Variants in GHR observed in about 807,000 individuals in gnomAD.
GHR encodes the protein GH receptor.
A neutral mutation model predicts 67.1 loss-of-function variants in GHR; 35 were observed. The ratio of observed to expected loss-of-function variants is 0.52; its 90% CI spans 0.40 to 0.69. The LOEUF is 0.69. Ranked by LOEUF, GHR falls within the 30% of genes least tolerant of loss-of-function variation. The pLI is 0.00. For synonymous variants in GHR, 272 were observed against 269.1 expected, an observed-to-expected ratio of 1.01 and a Z score of -0.10; for missense variants, 792 against 764.6, an observed-to-expected ratio of 1.04 and a Z score of -0.42.
intron 3 of GHR, among the ~76,000 whole-genome samples, chr5:42,682,876 A>G (rs771949423): frequency 3.9e-5 from 6 of 152,224 alleles, no homozygotes; most frequent in Non-Finnish European, 7.3e-5. Context: ...AAGCTATCTT[A>G]TAAGACTGCA....
chr5:42,490,695 A>T (rs1021903538), intron 1 of GHR, among the ~76,000 whole-genome samples: 1 of 152,236 alleles, frequency 6.6e-6, no homozygotes, highest in African/African-American at 2.4e-5. Context: ...ACTGAAAGTG[A>T]TATGGTAGTA....
chr5:42,538,013 CT>C (rs1748337815), intron 1 of GHR, among the ~76,000 whole-genome samples: 1 of 152,094 alleles, frequency 6.6e-6, no homozygotes, highest in South Asian at 2.1e-4. Context: ...CATGAAATGC[CT>C]TTTTCCACCC....
intron 3 of GHR, among the ~76,000 whole-genome samples, chr5:42,651,108 G>T (rs1250468025): frequency 6.6e-6 from 1 of 152,178 alleles, no homozygotes; most frequent in African/African-American, 2.4e-5. Flanking sequence ...GATTCTGGGA[G>T]ACTTTCAGGA....
At chr5:42,624,291 A>C (rs988193111) in intron 2 of GHR, among the ~76,000 whole-genome samples, 1 of 151,908 alleles carries the variant, frequency 6.6e-6, no homozygotes, top group African/African-American at 2.4e-5. Flanking sequence ...TTGGCTCTGC[A>C]CTCTCCTTAG....
At chr5:42,483,982 A>C (rs928534279) in intron 1 of GHR, among the ~76,000 whole-genome samples, 2 of 152,050 alleles carry the variant, frequency 1.3e-5, no homozygotes, top group African/African-American at 4.8e-5. Flanking sequence ...CAGAGAGAGT[A>C]CTAAGTAGGT....
intron 1 of GHR, among the ~76,000 whole-genome samples, chr5:42,525,508 G>A (rs887540196): frequency 1.3e-5 from 2 of 152,194 alleles, no homozygotes; most frequent in Non-Finnish European, 1.5e-5. Flanking sequence ...GATTTGCCTT[G>A]TCTAAGGTAA....
intron 1 of GHR, among the ~76,000 whole-genome samples, chr5:42,481,846 G>A (rs931249891): frequency 6.6e-6 from 1 of 152,076 alleles, no homozygotes; most frequent in African/African-American, 2.4e-5. Context: ...CTGTAGCTCG[G>A]ATTAGTTTGA....
chr5:42,532,789 C>T (rs1271002747), intron 1 of GHR, among the ~76,000 whole-genome samples: 1 of 151,880 alleles, frequency 6.6e-6, no homozygotes, highest in African/African-American at 2.4e-5. Context: ...TTTTTAATTG[C>T]CATATATTAC....
chr5:42,583,897 A>ATATATATATATATATATATATATAT (rs759855239), intron 2 of GHR, among the ~76,000 whole-genome samples: 3 of 149,452 alleles, frequency 2.0e-5, no homozygotes, highest in South Asian at 2.1e-4. Context: ...ATATATATAT[A>ATATATATATATATATATATATATAT]AATTCTTACA....
chr5:42,685,601 A>G (rs1757099396), intron 3 of GHR, among the ~76,000 whole-genome samples: 1 of 152,138 alleles, frequency 6.6e-6, no homozygotes, highest in South Asian at 2.1e-4. Flanking sequence ...CCTCTCCAGC[A>G]TCTGTTTTTT....
rs116006648 is a variant in GHR at position 42,507,750 on chromosome 5, C to T, written c.-11-58114C>T. Among the ~76,000 whole-genome samples, 959 of 152,300 alleles carry T rather than the reference C, an allele frequency of 6.3e-3. 4 individuals are homozygous for T. The highest frequency in any genetic ancestry group is 0.011 in the Admixed American group (172 of 15,300). On this transcript the variant is annotated intron_variant, in intron 1 of 9. Transcript: ENST00000230882. ...CGTGTTACTCTAGTCCTGAGAGGGC[C>T]GGAGCCATGGAGGAGGGGTCTTGTG... is the stretch of plus-strand genomic sequence containing the variant.
At chr5:42,640,961 A>G (rs1320117418) in intron 3 of GHR, among the ~76,000 whole-genome samples, 1 of 152,118 alleles carries the variant, frequency 6.6e-6, no homozygotes, top group East Asian at 1.9e-4. Flanking sequence ...CCATACTCCA[A>G]ATTACCAGTG....
chr5:42,477,667 T>C (rs1408519907), intron 1 of GHR, among the ~76,000 whole-genome samples: 1 of 152,240 alleles, frequency 6.6e-6, no homozygotes, highest in Non-Finnish European at 1.5e-5. Flanking sequence ...GTTTTTTGGC[T>C]GCATAAATGT....
intron 2 of GHR, among the ~76,000 whole-genome samples, chr5:42,620,535 G>C (rs1406581222): frequency 6.6e-6 from 1 of 152,120 alleles, no homozygotes; most frequent in Non-Finnish European, 1.5e-5. Context: ...GAAGCAAAAA[G>C]AATGTAGAGA....
chr5:42,502,992 C>G (rs1746605064), intron 1 of GHR, among the ~76,000 whole-genome samples: 1 of 152,060 alleles, frequency 6.6e-6, no homozygotes, highest in South Asian at 2.1e-4. Flanking sequence ...AAGAAAGGTA[C>G]AGCAGGTTCT....
intron 1 of GHR, among the ~76,000 whole-genome samples, chr5:42,503,905 T>G (rs1463493386): frequency 6.6e-6 from 1 of 152,136 alleles, no homozygotes; most frequent in Non-Finnish European, 1.5e-5. Context: ...TTAGGACTCT[T>G]AGCAGACTTA....
At chr5:42,506,524 C>T (rs1746783960) in intron 1 of GHR, among the ~76,000 whole-genome samples, 1 of 152,114 alleles carries the variant, frequency 6.6e-6, no homozygotes, top group Non-Finnish European at 1.5e-5. Flanking sequence ...TTAGTTCTTT[C>T]CATTTTTTAT....
chr5:42,511,433 G>T (rs1375945717), intron 1 of GHR, among the ~76,000 whole-genome samples: 1 of 152,138 alleles, frequency 6.6e-6, no homozygotes, highest in Non-Finnish European at 1.5e-5. Flanking sequence ...AGACTTGTGG[G>T]TTTTTAAACT....
chr5:42,553,573 A>G (rs1749151617), intron 1 of GHR, among the ~76,000 whole-genome samples: 1 of 152,196 alleles, frequency 6.6e-6, no homozygotes, highest in South Asian at 2.1e-4. Flanking sequence ...TTACAGGCTC[A>G]GGTGATTACA....
Sources: gnomAD v4.1 joint callset for allele counts (sites outside exome capture counted in the v4.1 genomes callset) on GRCh38, gnomAD v4.1.1 for gene constraint, MANE v1.5 for transcripts, NCBI Gene and HGNC (gene_info 2026-07-23, HGNC 2026-07-21) for gene names.